ADAM23: variants seen among roughly 807,000 people sequenced by gnomAD.
ADAM23 encodes disintegrin and metalloproteinase domain-containing protein 23.
In ADAM23, 33 loss-of-function variants were observed where a neutral mutation model predicts 120.1. That is an observed-to-expected ratio of 0.27 (90% CI 0.21 to 0.37). The LOEUF (loss-of-function observed/expected upper bound fraction) is 0.37, where lower values mean the gene tolerates loss of function less well. Ranked by LOEUF, ADAM23 falls within the 10% of genes least tolerant of loss-of-function variation. ADAM23 has a pLI of 1.00. For synonymous variants in ADAM23, 367 were observed against 375.2 expected (o/e 0.98, Z 0.25); for missense variants, 862 against 1,058.2 (o/e 0.81, Z 2.57).
rs760304584 is a variant in ADAM23, at chr2:206,560,020, T to A, written c.1071T>A (p.Asp357Glu). Residue 357 changes from aspartate to glutamate, a missense_variant, in exon 11 of 26, where the codon GAT (aspartate) becomes GAA (glutamate). Transcript: ENST00000264377. ...CTGTAGAGACCTGGACTGAGAAGGA[T>A]CAGATTGACATCACCACCAACCCTG... ...LVAVETWTEK[D>E]QIDITTNPVQ... 6.2e-7 allele frequency: 1 copy of A among 1,614,090 alleles called. No individual in the cohort carries two copies.
chr2:206,466,697 T>C (rs1695548097), intron 2 of ADAM23, among the ~76,000 whole-genome samples: 1 of 152,208 alleles, frequency 6.6e-6, no homozygotes, highest in South Asian at 2.1e-4. Flanking sequence ...CAAATCGCTA[T>C]AAAGAAATAC....
chr2:206,491,297 G>A (rs1205320338), intron 3 of ADAM23, among the ~76,000 whole-genome samples: 1 of 152,078 alleles, frequency 6.6e-6, no homozygotes, highest in African/African-American at 2.4e-5. Flanking sequence ...AGAAAACTGG[G>A]ATTGCCCAGA....
At chr2:206,543,881 T>C (rs1697344143) in intron 6 of ADAM23, among the ~76,000 whole-genome samples, 1 of 151,778 alleles carries the variant, frequency 6.6e-6, no homozygotes, top group African/African-American at 2.4e-5. Flanking sequence ...AACTCAGGAG[T>C]GGAAAACCAA....
At chr2:206,543,629 G>A (rs1243320226) in intron 6 of ADAM23, among the ~76,000 whole-genome samples, 1 of 152,072 alleles carries the variant, frequency 6.6e-6, no homozygotes, top group Non-Finnish European at 1.5e-5. Context: ...AGCTTTCATA[G>A]AAGTCATTAT....
Position 206,570,809 on chromosome 2 carries a change from G to C in ADAM23, c.1564G>C (p.Val522Leu), listed in dbSNP as rs1421498600. 6.2e-7 allele frequency: 1 copy of C among 1,613,334 alleles called. No homozygotes were observed. ...GGAGGAGTGTGATTGTGGTTTTCAT[G>C]TGGTAGGTATAAGAAACCTTCTATA... Reference protein sequence around the residue: ...AGEECDCGFHVECYGLCCKKC... With the variant: ...AGEECDCGFHLECYGLCCKKC... The change falls in exon 16 of 26, where the codon GTG becomes CTG. Residue 522 changes from valine to leucine, a missense_variant and splice_region_variant. Transcript: ENST00000264377.
intron 3 of ADAM23, among the ~76,000 whole-genome samples, chr2:206,511,493 T>G (rs1189751936): frequency 2.6e-5 from 4 of 152,164 alleles, no homozygotes; most frequent in Non-Finnish European, 5.9e-5. Context: ...ACAGCTTGTT[T>G]GGAGTTTGTT....
At chr2:206,526,064 G>T (rs988939093) in intron 3 of ADAM23, among the ~76,000 whole-genome samples, 7 of 150,966 alleles carry the variant, frequency 4.6e-5, no homozygotes, top group Non-Finnish European at 1.0e-4. Flanking sequence ...TAAACTTTTG[G>T]GAGTTTTGAC....
intron 4 of ADAM23, among the ~76,000 whole-genome samples, chr2:206,535,152 T>C (rs533854097): frequency 5.8e-4 from 88 of 152,274 alleles, no homozygotes; most frequent in African/African-American, 2.0e-3. Flanking sequence ...TATTAGATTC[T>C]CAACTAATCC....
At chr2:206,590,966 G>A (rs893064339) in intron 21 of ADAM23, among the ~76,000 whole-genome samples, 5 of 152,180 alleles carry the variant, frequency 3.3e-5, no homozygotes, top group African/African-American at 9.7e-5. Context: ...GATAGCTTTT[G>A]AGTATCTGGT....
In ADAM23 at chr2:206,444,059, TG is replaced by T. The variant is rs2105843503; in HGVS notation, c.199del (p.Ala67LeufsTer102). The part of the protein sequence containing the change: ...PLAASSRPRA[W>X]GAAAPSAPHW... ...CGCCGCCTCGTCCCGGCCCCGCGCC[TG>T]GGGGGCTGCTGCGCCCAGCGGTGGG... On this transcript the variant is annotated frameshift_variant, in exon 1 of 26. Coordinates refer to ENST00000264377, the MANE Select transcript of ADAM23 (RefSeq NM_003812.4). LOFTEE classifies it high-confidence loss of function. The T allele has an allele frequency of 1.2e-5, 17 of 1,386,838 alleles. No individual in the cohort carries two copies. Among genetic ancestry groups the T allele is most frequent in the South Asian group, 4.9e-5 (3 of 61,822 alleles). 85.9% of individuals were successfully genotyped at this position (1,386,838 alleles called of 1,614,324 possible). A position where few individuals can be genotyped will look rare whatever the true frequency, so the allele number is the denominator to read the frequency against.
chr2:206,452,429 C>T (rs1404087874), intron 2 of ADAM23, among the ~76,000 whole-genome samples: 1 of 152,164 alleles, frequency 6.6e-6, no homozygotes, highest in Non-Finnish European at 1.5e-5. Flanking sequence ...AACTATGTAA[C>T]TATTAGTGTC....
chr2:206,592,971 C>A (rs1698453738), intron 22 of ADAM23, among the ~76,000 whole-genome samples: 1 of 152,266 alleles, frequency 6.6e-6, no homozygotes, highest in East Asian at 1.9e-4. Context: ...ATATGGCCTT[C>A]TTTGTCATCA....
intron 18 of ADAM23, among the ~76,000 whole-genome samples, chr2:206,583,833 A>G (rs1308817105): frequency 6.6e-6 from 1 of 152,068 alleles, no homozygotes; most frequent in Non-Finnish European, 1.5e-5. Context: ...CTTTATAACT[A>G]ACCTCCTGAA....
chr2:206,530,854 C>T, intron 3 of ADAM23, 31 bp from the exon 4 acceptor site: 3 of 1,597,488 alleles, frequency 1.9e-6, no homozygotes, highest in Non-Finnish European at 2.6e-6. Context: ...GTCTTAGATG[C>T]AGAAATCACT....
intron 25 of ADAM23, among the ~76,000 whole-genome samples, chr2:206,611,969 G>T (rs1439260712): frequency 3.9e-5 from 6 of 152,184 alleles, no homozygotes; most frequent in Admixed American, 1.3e-4. Flanking sequence ...GCTGAGCTGA[G>T]TCAAAGCCCC....
rs571248441 is a variant in ADAM23 at position 206,620,443 on chromosome 2, G to T, written c.*2816G>T. The T allele has an allele frequency of 2.0e-5, 3 of 152,134 alleles. No homozygotes were observed. Among genetic ancestry groups the T allele is most frequent in the African/African-American group, 4.8e-5 (2 of 41,442 alleles). The allele number at this position is 152,134 out of a possible 1,614,324, so 9.4% of individuals were successfully genotyped here. A position where few individuals can be genotyped will look rare whatever the true frequency, so the allele number is the denominator to read the frequency against. On this transcript the variant is annotated 3_prime_UTR_variant, in exon 26 of 26. Coordinates refer to ENST00000264377, the MANE Select transcript of ADAM23 (RefSeq NM_003812.4). ...GTAAAAATGGATTATAATTATTTTT[G>T]ATGGTATTAGGTTATGTAGTTTCAA...
rs964156703 is a variant in ADAM23, at chr2:206,498,581, A to G, written c.509+17273A>G. Among the ~76,000 whole-genome samples, 113 of 152,234 alleles carry G rather than the reference A, an allele frequency of 7.4e-4. 3 individuals are homozygous for G. Among genetic ancestry groups the G allele is most frequent in the Non-Finnish European group, 2.8e-4 (19 of 68,042 alleles). ...AAACCTAGGCAATACCATTCAGGAC[A>G]GAGGCATGGGCAAGGACTTCATGTC... On this transcript the variant is annotated intron_variant, in intron 3 of 25. Transcript: ENST00000264377.
At chr2:206,569,997 C>G (rs769439293) in intron 15 of ADAM23, among the ~76,000 whole-genome samples, 1 of 152,162 alleles carries the variant, frequency 6.6e-6, no homozygotes, top group African/African-American at 2.4e-5. Context: ...ATCCTGCCCC[C>G]CTCCCCACTG....
intron 25 of ADAM23, among the ~76,000 whole-genome samples, chr2:206,615,040 G>A (rs970730116): frequency 2.0e-5 from 3 of 152,136 alleles, no homozygotes; most frequent in African/African-American, 7.2e-5. Context: ...ACTTCGTCAG[G>A]GGGTGACTCA....
Sources: allele counts gnomAD v4.1 joint callset (sites outside exome capture counted in the v4.1 genomes callset), GRCh38; gene constraint gnomAD v4.1.1; transcripts MANE v1.5; gene names NCBI Gene and HGNC (gene_info 2026-07-23, HGNC 2026-07-21).